ANAPC7: variants seen among roughly 807,000 people sequenced by gnomAD.
ANAPC7 encodes anaphase promoting complex subunit 7.
A neutral mutation model predicts 63.3 loss-of-function variants in ANAPC7; 25 were observed. The ratio of observed to expected loss-of-function variants is 0.39; its 90% CI spans 0.29 to 0.55. ANAPC7 has a LOEUF of 0.55. Ranked by LOEUF, ANAPC7 falls within the 20% of genes least tolerant of loss-of-function variation. The pLI, the probability that ANAPC7 is intolerant of heterozygous loss-of-function variation, is 0.57. For synonymous variants in ANAPC7, 241 were observed against 251.7 expected (o/e 0.96, Z 0.40); for missense variants, 516 against 691.7 (o/e 0.75, Z 2.85).
chr12:110,397,545 G>A (rs766012952), intron 1 of ANAPC7, among the ~76,000 whole-genome samples: 7 of 145,038 alleles, frequency 4.8e-5, no homozygotes, highest in African/African-American at 7.9e-5. Flanking sequence ...GCGACAGAGC[G>A]AGATCTCGTC....
chr12:110,374,339 G>A lies in ANAPC7; in HGVS notation c.1509-6C>T. The A allele has an allele frequency of 1.2e-6, 2 of 1,613,100 alleles. No individual in the cohort carries two copies. Among genetic ancestry groups the A allele is most frequent in the African/African-American group, 1.3e-5 (1 of 74,988 alleles). ...TCTGGTCATTGGGGTCCAAACTAGG[G>A]GACAACAAAACAAAGGAGAGGCCTG... On this transcript the variant is annotated splice_region_variant and splice_polypyrimidine_tract_variant and intron_variant, in intron 10 of 10. Coordinates refer to ENST00000455511, the MANE Select transcript of ANAPC7 (RefSeq NM_016238.3).
chr12:110,386,675 T>C, intron 5 of ANAPC7: 1 of 489,334 alleles, frequency 2.0e-6, no homozygotes, highest in Non-Finnish European at 3.6e-6. Context: ...AGTCTCTCAG[T>C]ACCAACAAAT....
chr12:110,402,000 ACT>A (rs1449350125), intron 1 of ANAPC7, among the ~76,000 whole-genome samples: 2 of 148,294 alleles, frequency 1.3e-5, no homozygotes, highest in African/African-American at 5.0e-5. Flanking sequence ...ATATAGTGAA[ACT>A]CTGTTTCTAC....
At position 110,374,128 on chromosome 12, in the gene ANAPC7, T is replaced by C. The variant is rs758640910; in HGVS notation, c.*16A>G. Reference sequence around the variant, plus strand: ...AGAGCAGGGCAGGCCACTGCGGCCATGGAGCTGCCGCCCCCTCACTGCATG... The same window carrying C: ...AGAGCAGGGCAGGCCACTGCGGCCACGGAGCTGCCGCCCCCTCACTGCATG... On this transcript the variant is annotated 3_prime_UTR_variant, in exon 11 of 11. Transcript: ENST00000455511. The C allele has an allele frequency of 1.3e-6, 2 of 1,599,696 alleles. No homozygotes were observed. The highest frequency in any genetic ancestry group is 1.1e-5 in the South Asian group (1 of 89,678).
At chr12:110,401,925 G>A (rs1217404021) in intron 1 of ANAPC7, among the ~76,000 whole-genome samples, 1 of 119,896 alleles carries the variant, frequency 8.3e-6, no homozygotes, top group Non-Finnish European at 1.6e-5. Context: ...AGTGAGCCAA[G>A]ATCGTGCAGA....
rs1881253447 is a variant in ANAPC7, at chr12:110,376,250, T to C, written c.1358-34A>G. 9 of 1,608,750 alleles carry C rather than the reference T, an allele frequency of 5.6e-6. No homozygotes were observed. The East Asian group carries it at 1.3e-4, about 24-fold the overall frequency. ...ATAAAAAAGACCCTCACTTAAGTCA[T>C]GTACAAAAAAACCACAACTACCATT... On this transcript the variant is annotated intron_variant, in intron 9 of 10. Coordinates refer to ENST00000455511, the MANE Select transcript of ANAPC7 (RefSeq NM_016238.3).
intron 2 of ANAPC7, 89 bp from the exon 3 acceptor site, chr12:110,395,309 C>A: frequency 7.4e-7 from 1 of 1,342,758 alleles, no homozygotes; most frequent in South Asian, 1.4e-5. Context: ...ATCATATGAC[C>A]CAGCAATTCT....
At chr12:110,377,892 T>A in intron 8 of ANAPC7, 1 of 1,175,124 alleles carries the variant, frequency 8.5e-7, no homozygotes, top group Non-Finnish European at 1.1e-6. Flanking sequence ...CTGCAGCATG[T>A]GAGCACCCCA....
chr12:110,396,141 C>A (rs1455316699), intron 2 of ANAPC7, 125 bp downstream of exon 2: 29 of 808,708 alleles, frequency 3.6e-5, no homozygotes, highest in Middle Eastern at 3.0e-4. Flanking sequence ...TAGCCCTCCA[C>A]CCACCTCCTG....
intron 6 of ANAPC7, 146 bp downstream of exon 6, chr12:110,386,181 G>C (rs1882433389): frequency 8.4e-7 from 1 of 1,190,396 alleles, no homozygotes; most frequent in African/African-American, 1.5e-5. Context: ...CATGTGTCAT[G>C]ACCTAAAAAA....
intron 3 of ANAPC7, among the ~76,000 whole-genome samples, chr12:110,389,725 A>T (rs1882937852): frequency 6.6e-6 from 1 of 152,020 alleles, no homozygotes; most frequent in Non-Finnish European, 1.5e-5. Context: ...AGGTCAGGAG[A>T]TTGAGACCAT....
chr12:110,377,775 G>GTATTC, intron 8 of ANAPC7, 158 bp from the exon 9 acceptor site: 1 of 1,464,154 alleles, frequency 6.8e-7, no homozygotes, highest in Non-Finnish European at 9.0e-7. Context: ...GAGTGTTGAT[G>GTATTC]GAATAGCTAA....
At chr12:110,389,098 A>AAAAAAAAAAAAC (rs1882875095) in intron 3 of ANAPC7, among the ~76,000 whole-genome samples, 1 of 145,868 alleles carries the variant, frequency 6.9e-6, no homozygotes, top group Non-Finnish European at 1.5e-5. Flanking sequence ...AAAAAAAAAA[A>AAAAAAAAAAAAC]AAAAGAAAAG....
At chr12:110,384,987 G>C (rs1415777763) in intron 6 of ANAPC7, among the ~76,000 whole-genome samples, 1 of 152,182 alleles carries the variant, frequency 6.6e-6, no homozygotes. Flanking sequence ...CCTCGGGCTG[G>C]GTGCAGTGGC....
At chr12:110,374,580 A>G (rs1199554259) in intron 10 of ANAPC7, among the ~76,000 whole-genome samples, 2 of 152,128 alleles carry the variant, frequency 1.3e-5, no homozygotes, top group African/African-American at 2.4e-5. Context: ...AATTTCTTAA[A>G]CTTTTTCATA....
intron 8 of ANAPC7, chr12:110,377,830 GCCTTCAAAGGCA>G: frequency 7.1e-7 from 1 of 1,414,700 alleles, no homozygotes; most frequent in Non-Finnish European, 9.2e-7. Context: ...GAAAAAGACT[GCCTTCAAAGGCA>G]CCTTCAGTTT....
chr12:110,396,108 G>A (rs781653356), intron 2 of ANAPC7, among the ~76,000 whole-genome samples, 158 bp downstream of exon 2: 6 of 152,022 alleles, frequency 3.9e-5, no homozygotes, highest in African/African-American at 1.2e-4. Context: ...GACAGGAGGC[G>A]GAGCTCAGGC....
At position 110,383,212 on chromosome 12, in the gene ANAPC7, G is replaced by C. The variant is rs150770522; in HGVS notation, c.818-252C>G. 3.0e-3 allele frequency: 1,047 copies of C among 349,638 alleles called. 3 individuals are homozygous for C. The highest frequency in any genetic ancestry group is 4.1e-3 in the Non-Finnish European group (790 of 190,794). The allele number at this position is 349,638 out of a possible 1,614,324, so 21.7% of individuals were successfully genotyped here. The stretch of plus-strand genomic sequence containing the variant: ...CCAGCACTTTAAGAAGCCGAGGCAG[G>C]TGGATCACGAGGTCAGGAGATCGAG... On this transcript the variant is annotated intron_variant, in intron 6 of 10. Coordinates refer to ENST00000455511, the MANE Select transcript of ANAPC7 (RefSeq NM_016238.3).
At position 110,377,613 on chromosome 12, in the gene ANAPC7, A is replaced by G. The variant is rs751287017; in HGVS notation, c.1137T>C (p.Leu379=). 6.2e-7 allele frequency: 1 copy of G among 1,614,198 alleles called. No homozygotes were observed. The highest frequency in any genetic ancestry group is 2.2e-5 in the East Asian group (1 of 44,886). ...TGTTGGAGGCTAAGTAACATTCGAT[A>G]AGACCTGAAAAAAGTAAAACACGTG... ...APCRLDCYEG[L]IECYLASNSI... Residue 379 remains leucine, a synonymous_variant, in exon 9 of 11, where the codon CTT becomes CTC. Coordinates refer to ENST00000455511, the MANE Select transcript of ANAPC7 (RefSeq NM_016238.3).
Sources: gnomAD v4.1 joint callset for allele counts (sites outside exome capture counted in the v4.1 genomes callset) on GRCh38, gnomAD v4.1.1 for gene constraint, MANE v1.5 for transcripts, NCBI Gene and HGNC (gene_info 2026-07-23, HGNC 2026-07-21) for gene names.